Variants in PAX3 observed in about 807,000 individuals in gnomAD.
The protein encoded by PAX3 is paired box 3, also known as paired box protein Pax-3.
In PAX3, 14 loss-of-function variants were observed where a neutral mutation model predicts 51.6. The observed-to-expected ratio is 0.27, with a 90% CI of 0.18 to 0.42. The LOEUF (loss-of-function observed/expected upper bound fraction) is 0.42. Ranked by LOEUF, PAX3 falls within the 10% of genes least tolerant of loss-of-function variation. The pLI is 1.00. For synonymous variants in PAX3, 280 were observed against 253.4 expected (o/e 1.11, Z -1.00); for missense variants, 540 against 642.8 (o/e 0.84, Z 1.73).
At position 222,221,571 on chromosome 2, in the gene PAX3, G is replaced by C. The variant is rs549801716; in HGVS notation, c.793-184C>G. 30 of 608,218 alleles carry C rather than the reference G, an allele frequency of 4.9e-5. No homozygotes were observed. The South Asian group carries it at 5.0e-4, about 10-fold the overall frequency. The allele number at this position is 608,218 out of a possible 1,614,324, so 37.7% of individuals were successfully genotyped here. ...GTAAAAGAAGAGTTTAGTGTCAAAGGTCAGTAGAGGGGCTTCAGGGACCCA... is the reference window on the plus strand; with the variant it reads ...GTAAAAGAAGAGTTTAGTGTCAAAGCTCAGTAGAGGGGCTTCAGGGACCCA... On this transcript the variant is annotated intron_variant, in intron 5 of 8. Transcript: ENST00000392070.
At chr2:222,223,153 C>T (rs1251796638) in intron 5 of PAX3, among the ~76,000 whole-genome samples, 2 of 151,748 alleles carry the variant, frequency 1.3e-5, no homozygotes, top group Non-Finnish European at 1.5e-5. Flanking sequence ...AATCCTTTGC[C>T]GAGGGATTTG....
intron 7 of PAX3, among the ~76,000 whole-genome samples, chr2:222,210,846 A>C (rs975775828): frequency 6.6e-6 from 1 of 152,102 alleles, no homozygotes; most frequent in Non-Finnish European, 1.5e-5. Context: ...GGACAAGCAA[A>C]AGTATATTTT....
chr2:222,232,411 T>A, intron 4 of PAX3, 128 bp from the exon 5 acceptor site: 2 of 782,530 alleles, frequency 2.6e-6, no homozygotes, highest in Non-Finnish European at 4.1e-6. Flanking sequence ...GTAAAATAAA[T>A]GTGGATCAAA....
chr2:222,211,156 AC>A (rs1691711700), intron 7 of PAX3, among the ~76,000 whole-genome samples: 1 of 152,148 alleles, frequency 6.6e-6, no homozygotes, highest in Non-Finnish European at 1.5e-5. Context: ...GAGCCACCAC[AC>A]TTGGCCATAC....
chr2:222,284,653 T>C (rs747237982), intron 4 of PAX3, among the ~76,000 whole-genome samples: 112 of 152,006 alleles, frequency 7.4e-4, no homozygotes, highest in Non-Finnish European at 1.3e-3. Context: ...TTGGTCTTCA[T>C]TGTTGCTTCT....
Position 222,270,896 on chromosome 2 carries a change from T to A in PAX3, c.586+23271A>T, listed in dbSNP as rs574547503. Among the ~76,000 whole-genome samples the A allele has an allele frequency of 3.9e-5, 6 of 152,334 alleles. No homozygotes were observed. In the South Asian group the frequency reaches 1.2e-3, roughly 32 times the overall value. ...TGTCCTAGATATAGAATTAGTTCTG[T>A]CTATTTTAGACTGACCACAGGAAGA... On this transcript the variant is annotated intron_variant, in intron 4 of 8. Coordinates refer to ENST00000392070, the MANE Select transcript of PAX3 (RefSeq NM_181458.4).
chr2:222,243,029 T>G, intron 4 of PAX3, among the ~76,000 whole-genome samples: 1 of 152,144 alleles, frequency 6.6e-6, no homozygotes, highest in East Asian at 1.9e-4. Flanking sequence ...TTGGAGCAGG[T>G]AGAAAACAAA....
intron 7 of PAX3, among the ~76,000 whole-genome samples, chr2:222,215,347 A>G (rs1335220836): frequency 6.6e-6 from 1 of 152,146 alleles, no homozygotes; most frequent in Non-Finnish European, 1.5e-5. Context: ...GATGAACCCT[A>G]AATGCAGCCA....
intron 7 of PAX3, among the ~76,000 whole-genome samples, chr2:222,216,070 C>A (rs543669322): frequency 3.4e-4 from 52 of 152,258 alleles, no homozygotes; most frequent in Admixed American, 1.7e-3. Flanking sequence ...AAAAGCCAAG[C>A]CCACCATTTG....
In PAX3 at chr2:222,296,720, T is replaced by C. The variant is rs45485396; in HGVS notation, c.321+258A>G. ...TCCATTAAAATAATTTGATGAGGATTGCAAGGCTTATGGGCTTTAAAAAAC... is the reference window on the plus strand; with the variant it reads ...TCCATTAAAATAATTTGATGAGGATCGCAAGGCTTATGGGCTTTAAAAAAC... On this transcript the variant is annotated intron_variant, in intron 2 of 8. Coordinates refer to ENST00000392070, the MANE Select transcript of PAX3 (RefSeq NM_181458.4). Among the ~76,000 whole-genome samples, 2,016 of 152,306 alleles carry C rather than the reference T, an allele frequency of 0.013. 48 individuals are homozygous for C. Among genetic ancestry groups the C allele is most frequent in the African/African-American group, 0.046 (1,897 of 41,558 alleles).
rs530766314 is a variant in PAX3, at chr2:222,270,215, G to A, written c.586+23952C>T. On this transcript the variant is annotated intron_variant, in intron 4 of 8. Transcript: ENST00000392070. ...TGCAGAGAGGTTGATGATTAAAGAAGGATTTCAGTCCTGGTGAATTATCAT... is the reference window on the plus strand; with the variant it reads ...TGCAGAGAGGTTGATGATTAAAGAAAGATTTCAGTCCTGGTGAATTATCAT... 5.3e-4 allele frequency among the ~76,000 whole-genome samples: 80 copies of A among 152,280 alleles called. 1 individual carries two copies. In the South Asian group the frequency reaches 0.012, roughly 22 times the overall value.
chr2:222,273,634 A>G (rs13402578), intron 4 of PAX3, among the ~76,000 whole-genome samples: 20,934 of 152,224 alleles, frequency 0.14, 1,722 homozygotes, highest in Non-Finnish European at 0.18. Context: ...TCAGCTCCTG[A>G]TCCATCCTAG....
chr2:222,296,262 G>T (rs977856034), intron 2 of PAX3, among the ~76,000 whole-genome samples: 8 of 152,232 alleles, frequency 5.3e-5, no homozygotes, highest in Non-Finnish European at 1.2e-4. Flanking sequence ...TGTTTCAGTA[G>T]GTGGGAAGGA....
intron 4 of PAX3, among the ~76,000 whole-genome samples, chr2:222,283,176 C>T (rs1193430244): frequency 6.6e-6 from 1 of 152,188 alleles, no homozygotes; most frequent in African/African-American, 2.4e-5. Context: ...ATAAGTCATC[C>T]TTTGCCAGTA....
chr2:222,227,950 A>T (rs1353544941), intron 5 of PAX3, among the ~76,000 whole-genome samples: 1 of 152,160 alleles, frequency 6.6e-6, no homozygotes, highest in African/African-American at 2.4e-5. Flanking sequence ...GAGAAAAAAA[A>T]TGAAATGTAG....
intron 5 of PAX3, among the ~76,000 whole-genome samples, chr2:222,223,790 G>A (rs1376732870): frequency 6.6e-6 from 1 of 152,182 alleles, no homozygotes; most frequent in African/African-American, 2.4e-5. Context: ...ACTATGCTCA[G>A]TTCCACTGGT....
intron 4 of PAX3, among the ~76,000 whole-genome samples, chr2:222,284,387 T>C (rs1694752459): frequency 1.3e-5 from 2 of 152,180 alleles, no homozygotes; most frequent in Admixed American, 1.3e-4. Context: ...AAAGTTTGAG[T>C]TGGAGTTTCA....
At chr2:222,213,066 T>A (rs1374595282) in intron 7 of PAX3, among the ~76,000 whole-genome samples, 1 of 152,178 alleles carries the variant, frequency 6.6e-6, no homozygotes, top group African/African-American at 2.4e-5. Context: ...TTAAATCAAC[T>A]CGGCAGACAC....
chr2:222,294,896 T>C (rs1285674857), intron 3 of PAX3, among the ~76,000 whole-genome samples: 1 of 150,580 alleles, frequency 6.6e-6, no homozygotes, highest in Non-Finnish European at 1.5e-5. Context: ...AAATGCACTC[T>C]CTCCCACTTA....
Sources: gnomAD v4.1 joint callset for allele counts (sites outside exome capture counted in the v4.1 genomes callset) on GRCh38, gnomAD v4.1.1 for gene constraint, MANE v1.5 for transcripts, NCBI Gene and HGNC (gene_info 2026-07-23, HGNC 2026-07-21) for gene names.